The following DLG2 variants were observed in gnomAD, a reference collection of about 807,000 sequenced individuals.
DLG2 encodes the protein discs large MAGUK scaffold protein 2.
DLG2 carries 45 observed loss-of-function variants against 132.5 expected under a neutral mutation model. The ratio of observed to expected loss-of-function variants is 0.34; its 90% CI spans 0.27 to 0.44. DLG2 has a LOEUF of 0.44. Among genes scored for constraint, DLG2 ranks in the 20% least tolerant of loss-of-function variants. DLG2 has a pLI of 1.00. For synonymous variants in DLG2, 424 were observed against 419.6 expected, an observed-to-expected ratio of 1.01 and a Z score of -0.13; for missense variants, 1,045 against 1,196.9, an observed-to-expected ratio of 0.87 and a Z score of 1.87.
intron 4 of DLG2, among the ~76,000 whole-genome samples, chr11:85,277,775 A>G (rs2077981356): frequency 2.6e-5 from 4 of 152,174 alleles, no homozygotes; most frequent in Admixed American, 2.6e-4. Context: ...TTTGTCAAGA[A>G]AAAATCTATC....
chr11:83,901,173 C>T (rs1398203861), intron 15 of DLG2, among the ~76,000 whole-genome samples: 1 of 152,166 alleles, frequency 6.6e-6, no homozygotes, highest in East Asian at 1.9e-4. Flanking sequence ...AATTAACTTG[C>T]TTTTGATTTT....
chr11:84,217,696 T>C (rs534137280), intron 8 of DLG2, among the ~76,000 whole-genome samples: 2 of 152,326 alleles, frequency 1.3e-5, no homozygotes, highest in East Asian at 3.9e-4. Flanking sequence ...AACAGACACA[T>C]TCCATGCTGG....
At chr11:83,657,965 C>G (rs2073171371) in intron 18 of DLG2, among the ~76,000 whole-genome samples, 1 of 152,154 alleles carries the variant, frequency 6.6e-6, no homozygotes, top group Non-Finnish European at 1.5e-5. Context: ...GAAGACATGG[C>G]TGCAGAGGAA....
intron 3 of DLG2, among the ~76,000 whole-genome samples, chr11:85,415,950 C>G (rs1383053903): frequency 6.6e-6 from 1 of 152,194 alleles, no homozygotes; most frequent in African/African-American, 2.4e-5. Flanking sequence ...TGGCCCATGC[C>G]TATGTCATGA....
chr11:83,601,966 G>A (rs1414820219), intron 19 of DLG2, among the ~76,000 whole-genome samples: 1 of 152,122 alleles, frequency 6.6e-6, no homozygotes, highest in East Asian at 1.9e-4. Context: ...CTGTGTCCTG[G>A]TGAATCAGAC....
intron 18 of DLG2, among the ~76,000 whole-genome samples, chr11:83,772,056 G>T (rs1210158673): frequency 6.6e-6 from 1 of 151,860 alleles, no homozygotes; most frequent in Non-Finnish European, 1.5e-5. Context: ...GATTTCTTTT[G>T]TAACTTGTGA....
intron 3 of DLG2, among the ~76,000 whole-genome samples, chr11:85,317,511 T>C (rs2080766884): frequency 6.6e-6 from 1 of 151,904 alleles, no homozygotes; most frequent in South Asian, 2.1e-4. Flanking sequence ...GGTCTGATGG[T>C]AGAGACAGGG....
At chr11:84,007,213 A>G (rs936202802) in intron 11 of DLG2, among the ~76,000 whole-genome samples, 3 of 151,710 alleles carry the variant, frequency 2.0e-5, no homozygotes, top group African/African-American at 7.2e-5. Flanking sequence ...CAGAGGGCTT[A>G]CTCATTATGG....
intron 7 of DLG2, among the ~76,000 whole-genome samples, chr11:84,504,756 T>C (rs1441075502): frequency 6.6e-6 from 1 of 152,124 alleles, no homozygotes; most frequent in Admixed American, 6.5e-5. Flanking sequence ...ATATAGACAA[T>C]GGAAGCTGAC....
chr11:84,380,640 C>T (rs2098746095), intron 7 of DLG2, among the ~76,000 whole-genome samples: 1 of 151,136 alleles, frequency 6.6e-6, no homozygotes, highest in Admixed American at 6.6e-5. Flanking sequence ...AGTATGAAAA[C>T]CAATAAGCAA....
chr11:85,222,298 T>C (rs2074699348), intron 4 of DLG2, among the ~76,000 whole-genome samples: 1 of 152,144 alleles, frequency 6.6e-6, no homozygotes, highest in Non-Finnish European at 1.5e-5. Flanking sequence ...ATAAATAATA[T>C]ATCCTAAGTC....
At chr11:83,592,402 C>G (rs1255446651) in intron 19 of DLG2, among the ~76,000 whole-genome samples, 25 of 148,418 alleles carry the variant, frequency 1.7e-4, no homozygotes, top group Admixed American at 1.6e-3. Flanking sequence ...AAAGGATTCC[C>G]TATTTAATAA....
At chr11:83,997,784 C>T (rs1218689859) in intron 11 of DLG2, among the ~76,000 whole-genome samples, 1 of 126,340 alleles carries the variant, frequency 7.9e-6, no homozygotes, top group Non-Finnish European at 1.6e-5. Context: ...GCCAAATAGT[C>T]CCTCATACAA....
At chr11:83,848,634 G>A (rs2059106659) in intron 16 of DLG2, among the ~76,000 whole-genome samples, 1 of 152,058 alleles carries the variant, frequency 6.6e-6, no homozygotes, top group Non-Finnish European at 1.5e-5. Context: ...TAGTATTGTT[G>A]CCTTAGTTCA....
At chr11:83,954,242 T>C (rs2086231937) in intron 14 of DLG2, among the ~76,000 whole-genome samples, 2 of 152,194 alleles carry the variant, frequency 1.3e-5, no homozygotes, top group African/African-American at 4.8e-5. Flanking sequence ...TCCCCTTGAA[T>C]TAAGATTTGT....
chr11:83,975,121 A>G (rs944806007), intron 12 of DLG2, among the ~76,000 whole-genome samples: 6 of 152,098 alleles, frequency 3.9e-5, no homozygotes, highest in Non-Finnish European at 7.4e-5. Flanking sequence ...TTATATAGAA[A>G]AAGGGGAAGA....
At chr11:85,196,011 TTAAA>T (rs1443800095) in intron 4 of DLG2, among the ~76,000 whole-genome samples, 7 of 152,214 alleles carry the variant, frequency 4.6e-5, no homozygotes, top group Admixed American at 1.3e-4. Context: ...AGAACTTTCT[TTAAA>T]TATTTATTTT....
chr11:85,344,250 T>C (rs904397287), intron 3 of DLG2, among the ~76,000 whole-genome samples: 4 of 152,186 alleles, frequency 2.6e-5, no homozygotes, highest in Non-Finnish European at 5.9e-5. Flanking sequence ...GGTCTTCTTA[T>C]GGGGCATCTT....
At chr11:85,468,214 T>G (rs1352590534) in intron 3 of DLG2, among the ~76,000 whole-genome samples, 1 of 152,196 alleles carries the variant, frequency 6.6e-6, no homozygotes, top group Non-Finnish European at 1.5e-5. Flanking sequence ...TCTTCTTTAT[T>G]AGTCTTGCTA....
Sources: allele counts gnomAD v4.1 joint callset (sites outside exome capture counted in the v4.1 genomes callset), GRCh38; gene constraint gnomAD v4.1.1; transcripts MANE v1.5; gene names NCBI Gene and HGNC (gene_info 2026-07-23, HGNC 2026-07-21).